AFG2A: variants seen among roughly 807,000 people sequenced by gnomAD.
AFG2A encodes the protein ATPase family gene 2 protein homolog A.
At chr4:123,110,197 A>G in the AFG2A span, among the ~76,000 whole-genome samples, 1 of 152,150 alleles carries the variant, frequency 6.6e-6, no homozygotes, top group Non-Finnish European at 1.5e-5. Flanking sequence ...TTTAATCACC[A>G]TTAAGTAATT....
the AFG2A span, among the ~76,000 whole-genome samples, chr4:123,091,216 A>T: frequency 0.1 from 15,965 of 152,286 alleles, 937 homozygotes; most frequent in Middle Eastern, 0.2. Flanking sequence ...TGCACATGCT[A>T]CAGTTATTCT....
the AFG2A span, among the ~76,000 whole-genome samples, chr4:122,935,270 G>A: frequency 6.6e-6 from 1 of 151,914 alleles, no homozygotes; most frequent in Non-Finnish European, 1.5e-5. Flanking sequence ...GTATATATAT[G>A]TATGTGTAAA....
At chr4:122,923,396 T>G in the AFG2A span, 1 of 1,541,376 alleles carries the variant, frequency 6.5e-7, no homozygotes, top group Non-Finnish European at 8.8e-7. Flanking sequence ...TGCAGAGACT[T>G]TTGAAAGTTG....
chr4:123,170,435 G>A, the AFG2A span, among the ~76,000 whole-genome samples: 3 of 152,114 alleles, frequency 2.0e-5, no homozygotes, highest in Non-Finnish European at 2.9e-5. Context: ...TTTACTCATG[G>A]GATATGTGTA....
At chr4:122,943,812 C>G in the AFG2A span, among the ~76,000 whole-genome samples, 2 of 152,122 alleles carry the variant, frequency 1.3e-5, no homozygotes, top group Non-Finnish European at 2.9e-5. Flanking sequence ...CCTTCAGGAG[C>G]TCTTTTAGGG....
At chr4:123,007,574 G>T in the AFG2A span, among the ~76,000 whole-genome samples, 1 of 3,790 alleles carries the variant, frequency 2.6e-4, no homozygotes, top group Non-Finnish European at 1.3e-3. Flanking sequence ...GTATATGTGT[G>T]TGTGTGTGTG....
the AFG2A span, among the ~76,000 whole-genome samples, chr4:122,988,018 T>C: frequency 6.6e-6 from 1 of 152,038 alleles, no homozygotes; most frequent in African/African-American, 2.4e-5. Context: ...TATTGCTCTC[T>C]TATTTTTTAA....
At chr4:123,318,263 A>G in the AFG2A span, 27 of 152,218 alleles carry the variant, frequency 1.8e-4, 1 homozygote, top group Admixed American at 1.8e-3. Flanking sequence ...TGCTGAAAGT[A>G]ATGTGTAGCT....
the AFG2A span, among the ~76,000 whole-genome samples, chr4:123,202,484 G>A: frequency 6.6e-6 from 1 of 151,618 alleles, no homozygotes; most frequent in African/African-American, 2.4e-5. Flanking sequence ...CATATGATAC[G>A]TACACATAAA....
At chr4:123,055,473 A>C in the AFG2A span, among the ~76,000 whole-genome samples, 2 of 152,146 alleles carry the variant, frequency 1.3e-5, no homozygotes, top group African/African-American at 4.8e-5. Context: ...GTTTTATATG[A>C]AGCCAAATAC....
chr4:123,095,642 A>G, the AFG2A span, among the ~76,000 whole-genome samples: 2 of 152,230 alleles, frequency 1.3e-5, no homozygotes, highest in South Asian at 4.1e-4. Flanking sequence ...TCTGGAAGAA[A>G]CTGTAGTAGG....
At chr4:123,054,860 G>GCTCATTTCCATTGCACT in the AFG2A span, among the ~76,000 whole-genome samples, 2 of 151,622 alleles carry the variant, frequency 1.3e-5, no homozygotes, top group Non-Finnish European at 2.9e-5. Context: ...GCACTCCTTT[G>GCTCATTTCCATTGCACT]CCTTAAACTT....
the AFG2A span, among the ~76,000 whole-genome samples, chr4:123,079,617 A>T: frequency 6.6e-6 from 1 of 151,850 alleles, no homozygotes; most frequent in Non-Finnish European, 1.5e-5. Flanking sequence ...TTTTTTGTTG[A>T]TGTGTAACCC....
chr4:123,173,232 A>G, the AFG2A span, among the ~76,000 whole-genome samples: 1 of 151,916 alleles, frequency 6.6e-6, no homozygotes, highest in Non-Finnish European at 1.5e-5. Context: ...CAAGGCTTGT[A>G]CAACCCTAAT....
At chr4:123,282,565 T>G in the AFG2A span, among the ~76,000 whole-genome samples, 1 of 152,100 alleles carries the variant, frequency 6.6e-6, no homozygotes, top group Non-Finnish European at 1.5e-5. Context: ...TACAACTATT[T>G]TTGGATACTG....
At chr4:123,167,391 AG>A in the AFG2A span, among the ~76,000 whole-genome samples, 2 of 151,812 alleles carry the variant, frequency 1.3e-5, no homozygotes, top group African/African-American at 4.8e-5. Context: ...TCTGTTGCCC[AG>A]GCTGGAGTGC....
At chr4:123,310,873 A>G in the AFG2A span, among the ~76,000 whole-genome samples, 2 of 152,228 alleles carry the variant, frequency 1.3e-5, no homozygotes, top group Admixed American at 1.3e-4. Flanking sequence ...TATAAATAAA[A>G]AGAAACAGAG....
chr4:123,084,962 C>T, the AFG2A span, among the ~76,000 whole-genome samples: 1 of 150,468 alleles, frequency 6.6e-6, no homozygotes, highest in Non-Finnish European at 1.5e-5. Context: ...CTTGAAGTTT[C>T]TTTTTTTTTC....
chr4:123,203,504 C>T, the AFG2A span, among the ~76,000 whole-genome samples: 2 of 152,178 alleles, frequency 1.3e-5, no homozygotes, highest in African/African-American at 4.8e-5. Flanking sequence ...TCTTGAACTC[C>T]TGACCTCAGG....
Sources: gnomAD v4.1 joint callset for allele counts (sites outside exome capture counted in the v4.1 genomes callset) on GRCh38, gnomAD v4.1.1 for gene constraint, MANE v1.5 for transcripts, NCBI Gene and HGNC (gene_info 2026-07-23, HGNC 2026-07-21) for gene names.